UNC80: variants seen among roughly 807,000 people sequenced by gnomAD.
UNC80 encodes protein unc-80 homolog.
UNC80 carries 164 observed loss-of-function variants against 384.6 expected under a neutral mutation model. That is an observed-to-expected ratio of 0.43 (90% CI 0.38 to 0.49). The LOEUF is 0.49. Among genes scored for constraint, UNC80 ranks in the 20% least tolerant of loss-of-function variants. The pLI, the probability that UNC80 is intolerant of heterozygous loss-of-function variation, is 0.00. For synonymous variants in UNC80, 1,486 were observed against 1,527.8 expected (o/e 0.97, Z 0.64); for missense variants, 3,330 against 4,143.0 (o/e 0.80, Z 5.39).
At chr2:209,902,097 C>T (rs547007621) in intron 28 of UNC80, among the ~76,000 whole-genome samples, 2 of 152,054 alleles carry the variant, frequency 1.3e-5, no homozygotes, top group East Asian at 3.9e-4. Flanking sequence ...CAAATATCAA[C>T]ATTAACAGGA....
At chr2:209,838,566 T>C (rs981710208) in intron 18 of UNC80, among the ~76,000 whole-genome samples, 4 of 152,130 alleles carry the variant, frequency 2.6e-5, no homozygotes, top group African/African-American at 4.8e-5. Flanking sequence ...TGCATTTAAA[T>C]ATTTTTTTAA....
intron 2 of UNC80, among the ~76,000 whole-genome samples, chr2:209,773,384 G>A (rs1321811029): frequency 1.3e-5 from 2 of 152,218 alleles, no homozygotes; most frequent in East Asian, 3.8e-4. Context: ...TACATAGTAA[G>A]CCAGATGGTG....
chr2:209,947,429 T>G (rs924640149), intron 47 of UNC80, among the ~76,000 whole-genome samples: 7 of 152,216 alleles, frequency 4.6e-5, no homozygotes, highest in African/African-American at 1.7e-4. Context: ...GTCATAAAAT[T>G]CTCTTTCAAG....
Position 209,997,060 on chromosome 2 carries a change from A to G in UNC80, c.*1465A>G, listed in dbSNP as rs912573277. The G allele has an allele frequency of 2.0e-5, 3 of 152,166 alleles. No homozygotes were observed. Among genetic ancestry groups the G allele is most frequent in the African/African-American group, 4.8e-5 (2 of 41,450 alleles). The allele number at this position is 152,166 out of a possible 1,614,324, so 9.4% of individuals were successfully genotyped here. A position where few individuals can be genotyped will look rare whatever the true frequency, so the allele number is the denominator to read the frequency against. ...GATACCTACTAAACCCACCTTAATC[A>G]TAAAGGAAAATTATTTTTTGTTAGA... On this transcript the variant is annotated 3_prime_UTR_variant, in exon 65 of 65. Coordinates refer to ENST00000673920, the MANE Select transcript of UNC80 (RefSeq NM_001371986.1).
intron 7 of UNC80, among the ~76,000 whole-genome samples, chr2:209,806,326 C>G (rs2078895363): frequency 6.6e-6 from 1 of 152,166 alleles, no homozygotes; most frequent in Non-Finnish European, 1.5e-5. Flanking sequence ...CAAAAGCCAG[C>G]TATAATGTTC....
chr2:209,822,064 T>C (rs1455760790), intron 13 of UNC80, among the ~76,000 whole-genome samples: 2 of 152,194 alleles, frequency 1.3e-5, no homozygotes, highest in African/African-American at 4.8e-5. Context: ...TTAATATGCA[T>C]TTATCATCTG....
intron 29 of UNC80, among the ~76,000 whole-genome samples, chr2:209,911,848 TG>T (rs1439154591): frequency 6.6e-6 from 1 of 152,206 alleles, no homozygotes; most frequent in Non-Finnish European, 1.5e-5. Flanking sequence ...GTCCATCCCT[TG>T]GCATTTAAGG....
At chr2:209,874,955 A>G (rs967978174) in intron 23 of UNC80, among the ~76,000 whole-genome samples, 4 of 152,040 alleles carry the variant, frequency 2.6e-5, no homozygotes, top group Non-Finnish European at 4.4e-5. Context: ...GCATATCCCA[A>G]TCTCCTCCCC....
At chr2:209,798,642 G>A (rs895610172) in intron 7 of UNC80, among the ~76,000 whole-genome samples, 10 of 151,208 alleles carry the variant, frequency 6.6e-5, no homozygotes, top group African/African-American at 1.5e-4. Flanking sequence ...TTGGCTATAC[G>A]GCTCTCCTTT....
intron 25 of UNC80, among the ~76,000 whole-genome samples, chr2:209,886,302 G>T (rs2085799337): frequency 6.6e-6 from 1 of 151,770 alleles, no homozygotes; most frequent in African/African-American, 2.4e-5. Flanking sequence ...TCTTGACCAG[G>T]CACAGTGGCT....
intron 62 of UNC80, among the ~76,000 whole-genome samples, chr2:209,992,542 C>T (rs886449043): frequency 7.9e-5 from 12 of 152,060 alleles, no homozygotes; most frequent in East Asian, 7.7e-4. Flanking sequence ...AACTTTAAAA[C>T]GTGGTAAGTA....
intron 59 of UNC80, among the ~76,000 whole-genome samples, chr2:209,980,764 A>G (rs2093138058): frequency 6.6e-6 from 1 of 152,206 alleles, no homozygotes; most frequent in Non-Finnish European, 1.5e-5. Context: ...AATAAAGAAC[A>G]CCTAACAAAA....
chr2:209,798,585 C>T (rs1240691066), intron 7 of UNC80, among the ~76,000 whole-genome samples: 1 of 152,096 alleles, frequency 6.6e-6, no homozygotes, highest in Non-Finnish European at 1.5e-5. Context: ...AGTTTGAAGT[C>T]AGATAGTGTG....
At chr2:209,805,033 T>A (rs1187112249) in intron 7 of UNC80, among the ~76,000 whole-genome samples, 2 of 152,222 alleles carry the variant, frequency 1.3e-5, no homozygotes, top group African/African-American at 2.4e-5. Context: ...ATTTCCCATC[T>A]GGAGAAGCTG....
At chr2:209,984,663 A>G (rs146457326) in intron 60 of UNC80, among the ~76,000 whole-genome samples, 193 bp from the exon 61 acceptor site, 1 of 152,040 alleles carries the variant, frequency 6.6e-6, no homozygotes, top group East Asian at 1.9e-4. Context: ...TTCCTCCCCC[A>G]TTGCCTTGAG....
At position 209,878,061 on chromosome 2, in the gene UNC80, G is replaced by A; in HGVS notation, c.3948G>A (p.Glu1316=). 6.5e-7 allele frequency: 1 copy of A among 1,541,766 alleles called. No individual in the cohort carries two copies. The highest frequency in any genetic ancestry group is 8.8e-7 in the Non-Finnish European group (1 of 1,142,346). Reference sequence around the variant, plus strand: ...AGACCAAGAGGAGACTTAGAAAGGAGGATGAGGAGGAAGACTTTTTAGATG... The same window carrying A: ...AGACCAAGAGGAGACTTAGAAAGGAAGATGAGGAGGAAGACTTTTTAGATG... ...DEETKRRLRK[E]DEEEDFLDDS... The change falls in exon 24 of 65, where the codon GAG becomes GAA. Residue 1316 remains glutamate (E), a synonymous_variant. Coordinates refer to ENST00000673920, the MANE Select transcript of UNC80 (RefSeq NM_001371986.1).
chr2:209,982,437 T>C lies in UNC80; in HGVS notation c.9257+120T>C. 5.6e-6 allele frequency: 7 copies of C among 1,250,262 alleles called. No homozygotes were observed. In the South Asian group the frequency reaches 6.2e-5, roughly 11 times the overall value. 77.4% of individuals were successfully genotyped at this position (1,250,262 alleles called of 1,614,324 possible). On this transcript the variant is annotated intron_variant, in intron 60 of 64. Coordinates refer to ENST00000673920, the MANE Select transcript of UNC80 (RefSeq NM_001371986.1). ...AGCAAGCAATGGTAATGTTTTTAGA[T>C]AGATCATTCCACAAAGGATTTGTCA...
intron 35 of UNC80, among the ~76,000 whole-genome samples, chr2:209,924,592 G>A (rs953661669): frequency 3.3e-5 from 5 of 151,724 alleles, no homozygotes; most frequent in African/African-American, 1.2e-4. Context: ...GTCTTTCCTG[G>A]GCATGTGCAC....
rs2124994625 is a variant in UNC80, at chr2:209,954,267, C to A, written c.7454C>A (p.Thr2485Asn). ...CTTTTGTACAGTGTAGAGGTCCTCA[C>A]CAGGTAATCCCATTGGCAGAAATAG... ...QALLYSVEVL[T>N]RPMTAPQMSR... Residue 2485 changes from threonine to asparagine, a missense_variant, in exon 48 of 65, where the codon ACC becomes AAC. This residue lies in a region of UNC80 where 1,049 missense variants were observed against 1,488.6 expected (regional missense o/e 0.70). Coordinates refer to ENST00000673920, the MANE Select transcript of UNC80 (RefSeq NM_001371986.1). 2 of 1,484,702 alleles carry A rather than the reference C, an allele frequency of 1.3e-6. No homozygotes were observed. The highest frequency in any genetic ancestry group is 2.8e-5 in the South Asian group (2 of 72,408). The allele number at this position is 1,484,702 out of a possible 1,614,324, so 92.0% of individuals were successfully genotyped here.
Sources: allele counts gnomAD v4.1 joint callset (sites outside exome capture counted in the v4.1 genomes callset), GRCh38; gene constraint gnomAD v4.1.1; regional missense constraint gnomAD v4.1.1; transcripts MANE v1.5; gene names NCBI Gene and HGNC (gene_info 2026-07-23, HGNC 2026-07-21).